GLRA2: variants seen among roughly 807,000 people sequenced by gnomAD.
The protein encoded by GLRA2 is glycine receptor subunit alpha-2.
Under a neutral mutation model 31.6 loss-of-function variants are expected in GLRA2, and 11 were observed. The ratio of observed to expected loss-of-function variants is 0.35; its 90% CI spans 0.22 to 0.58. The LOEUF (loss-of-function observed/expected upper bound fraction) is 0.58. Ranked by LOEUF, GLRA2 falls within the 20% of genes least tolerant of loss-of-function variation. The pLI is 0.84. For synonymous variants in GLRA2, 132 were observed against 134.0 expected (o/e 0.99, Z 0.10); for missense variants, 212 against 351.8 (o/e 0.60, Z 3.18).
chrX:14,695,263 A>G (rs2091427928), intron 8 of GLRA2, among the ~76,000 whole-genome samples: 1 of 111,632 alleles, frequency 9.0e-6, no homozygotes, highest in Non-Finnish European at 1.9e-5. Flanking sequence ...AACCTTAGAT[A>G]TCACTTGCAA....
intron 8 of GLRA2, among the ~76,000 whole-genome samples, chrX:14,709,843 G>A (rs903079660): frequency 6.3e-5 from 7 of 111,850 alleles, no homozygotes; most frequent in African/African-American, 1.3e-4. Flanking sequence ...CACCTGCTTC[G>A]GTAACTGCTA....
intron 7 of GLRA2, among the ~76,000 whole-genome samples, chrX:14,664,265 T>C (rs1322368980): frequency 8.9e-6 from 1 of 112,078 alleles, no homozygotes; most frequent in Non-Finnish European, 1.9e-5. Flanking sequence ...AAATTCATGC[T>C]TTCCCCAGAA....
At chrX:14,690,659 TTCTCTC>T (rs763242271) in intron 7 of GLRA2, 45 bp from the exon 8 acceptor site, 22 of 774,301 alleles carry the variant, frequency 2.8e-5, no homozygotes, top group South Asian at 5.0e-5. Flanking sequence ...TAGTCTTTCT[TTCTCTC>T]TCTCTCTCTC....
the GLRA2 span, among the ~76,000 whole-genome samples, chrX:14,463,672 C>T: frequency 2.7e-5 from 3 of 110,996 alleles, no homozygotes; most frequent in East Asian, 2.9e-4. Flanking sequence ...TGGGACCCGC[C>T]GAGACAAGCA....
chrX:14,537,661 T>A (rs1224670848), intron 2 of GLRA2, among the ~76,000 whole-genome samples: 1 of 111,175 alleles, frequency 9.0e-6, no homozygotes, highest in African/African-American at 3.3e-5. Context: ...ATATTAAAAC[T>A]ACTTGATGGA....
At chrX:14,504,483 C>T in the GLRA2 span, among the ~76,000 whole-genome samples, 2 of 111,297 alleles carry the variant, frequency 1.8e-5, no homozygotes, top group Non-Finnish European at 3.8e-5. Context: ...TCAAAATCTA[C>T]AAAGTAAACC....
At chrX:14,458,463 G>A in the GLRA2 span, among the ~76,000 whole-genome samples, 1 of 112,036 alleles carries the variant, frequency 8.9e-6, no homozygotes, top group African/African-American at 3.2e-5. Context: ...TTCCACGATG[G>A]TTGAACTAGT....
chrX:14,555,078 T>C (rs941056776), intron 2 of GLRA2, among the ~76,000 whole-genome samples: 1 of 112,108 alleles, frequency 8.9e-6, no homozygotes, highest in Admixed American at 9.5e-5. Context: ...TACTAGAGCT[T>C]ACTTATACTT....
intron 8 of GLRA2, among the ~76,000 whole-genome samples, chrX:14,702,485 C>G (rs780552614): frequency 8.4e-4 from 94 of 112,086 alleles, no homozygotes; most frequent in Non-Finnish European, 1.1e-3. Context: ...AACTAGCTTT[C>G]CAAATCTGGG....
the GLRA2 span, among the ~76,000 whole-genome samples, chrX:14,458,499 G>T: frequency 8.9e-6 from 1 of 112,140 alleles, no homozygotes; most frequent in Non-Finnish European, 1.9e-5. Flanking sequence ...CTGTGTAAAA[G>T]CATTCCTATT....
At chrX:14,626,940 C>T (rs1235806636) in intron 7 of GLRA2, among the ~76,000 whole-genome samples, 2 of 111,335 alleles carry the variant, frequency 1.8e-5, no homozygotes, top group East Asian at 5.7e-4. Flanking sequence ...ATCTATGGTA[C>T]TCAAACCAGA....
chrX:14,727,817 T>A (rs2091944924), intron 8 of GLRA2, among the ~76,000 whole-genome samples: 1 of 112,030 alleles, frequency 8.9e-6, no homozygotes. Context: ...GCTGACTTCC[T>A]TATATGATAA....
chrX:14,597,386 C>T (rs2090217963), intron 4 of GLRA2, among the ~76,000 whole-genome samples: 1 of 111,799 alleles, frequency 8.9e-6, no homozygotes, highest in South Asian at 3.8e-4. Flanking sequence ...GTAAATTTAC[C>T]TATAAGAGGA....
At chrX:14,712,539 G>A (rs2091727079) in intron 8 of GLRA2, among the ~76,000 whole-genome samples, 1 of 110,198 alleles carries the variant, frequency 9.1e-6, no homozygotes, top group Non-Finnish European at 1.9e-5. Flanking sequence ...TTGCATTAAA[G>A]TGGCGTTTTG....
chrX:14,540,257 T>TG (rs1349159107), intron 2 of GLRA2, among the ~76,000 whole-genome samples: 2 of 111,451 alleles, frequency 1.8e-5, no homozygotes, highest in East Asian at 5.7e-4. Flanking sequence ...TGTAGTATTC[T>TG]GGGACTATCA....
At chrX:14,577,845 G>A (rs1411942649) in intron 3 of GLRA2, among the ~76,000 whole-genome samples, 1 of 111,362 alleles carries the variant, frequency 9.0e-6, no homozygotes, top group Non-Finnish European at 1.9e-5. Context: ...TTACCATACC[G>A]CTAAGATTTT....
chrX:14,679,553 G>T (rs2091178466), intron 7 of GLRA2, among the ~76,000 whole-genome samples: 1 of 110,698 alleles, frequency 9.0e-6, no homozygotes, highest in Admixed American at 9.6e-5. Flanking sequence ...GCCTTCTTTT[G>T]CCAGCCCAGC....
intron 8 of GLRA2, among the ~76,000 whole-genome samples, chrX:14,723,162 C>A (rs188539385): frequency 1.8e-5 from 2 of 112,175 alleles, no homozygotes; most frequent in East Asian, 5.6e-4. Flanking sequence ...CCCCATGTAT[C>A]TATTCGAATG....
At chrX:14,629,910 T>C (rs1382115341) in intron 7 of GLRA2, among the ~76,000 whole-genome samples, 1 of 112,020 alleles carries the variant, frequency 8.9e-6, no homozygotes, top group Non-Finnish European at 1.9e-5. Flanking sequence ...ATATTTTATT[T>C]CTTTATATAT....
Sources: allele counts gnomAD v4.1 joint callset (sites outside exome capture counted in the v4.1 genomes callset), GRCh38; gene constraint gnomAD v4.1.1; transcripts MANE v1.5; gene names NCBI Gene and HGNC (gene_info 2026-07-23, HGNC 2026-07-21).